FBXL14: variants seen among roughly 807,000 people sequenced by gnomAD.
FBXL14 encodes F-box/LRR-repeat protein 14.
FBXL14 carries 11 observed loss-of-function variants against 24.5 expected under a neutral mutation model. That is an observed-to-expected ratio of 0.45 (90% CI 0.28 to 0.74). The LOEUF (loss-of-function observed/expected upper bound fraction) is 0.74. Among genes scored for constraint, FBXL14 ranks in the 30% least tolerant of loss-of-function variants. The pLI is 0.12. For missense variants in FBXL14, 384 were observed against 545.6 expected (o/e 0.70, Z 2.95); for synonymous variants, 294 against 240.4 (o/e 1.22, Z -2.06).
Position 1,583,332 on chromosome 12 carries a change from T to G in FBXL14, c.1194+9541A>C, listed in dbSNP as rs187606893. Among the ~76,000 whole-genome samples, 62 of 151,252 alleles carry G rather than the reference T, an allele frequency of 4.1e-4. 1 individual carries two copies. In the East Asian group the frequency reaches 0.011, roughly 27 times the overall value. ...CCCAAACTCCCCAGATATGGCAATC[T>G]AAGAAGGATTTGTATGAAGTGCCCT... On this transcript the variant is annotated intron_variant, in intron 1 of 1. Transcript: ENST00000339235.
chr12:1,585,466 G>A (rs989492094), intron 1 of FBXL14, among the ~76,000 whole-genome samples: 1 of 152,046 alleles, frequency 6.6e-6, no homozygotes, highest in African/African-American at 2.4e-5. Context: ...ATTTCCTAAG[G>A]AGAAATATTA....
intron 1 of FBXL14, among the ~76,000 whole-genome samples, chr12:1,588,235 G>A (rs2094480945): frequency 6.6e-6 from 1 of 152,046 alleles, no homozygotes; most frequent in Non-Finnish European, 1.5e-5. Flanking sequence ...TTGAAAACTT[G>A]AATTCGAATT....
chr12:1,586,018 A>G (rs1261809744), intron 1 of FBXL14, among the ~76,000 whole-genome samples: 1 of 152,250 alleles, frequency 6.6e-6, no homozygotes, highest in Non-Finnish European at 1.5e-5. Flanking sequence ...TCTGAGAGCA[A>G]CAGGCAACAG....
intron 1 of FBXL14, 89 bp downstream of exon 1, chr12:1,592,783 TA>T: frequency 8.9e-7 from 1 of 1,119,078 alleles, no homozygotes; most frequent in Non-Finnish European, 1.3e-6. Context: ...GATCTGTGCG[TA>T]AGTGTGCGTG....
intron 1 of FBXL14, among the ~76,000 whole-genome samples, chr12:1,589,474 CAGGA>C (rs1342716362): frequency 4.1e-5 from 2 of 48,834 alleles, no homozygotes; most frequent in African/African-American, 1.0e-4. Context: ...GGCAGGAAGA[CAGGA>C]AGGAAGGGAG....
Position 1,579,236 on chromosome 12 carries a change from T to A in FBXL14, c.1195-12426A>T, listed in dbSNP as rs909541264. On this transcript the variant is annotated intron_variant, in intron 1 of 1. Coordinates refer to ENST00000339235, the MANE Select transcript of FBXL14 (RefSeq NM_152441.3). The surrounding 1 kb of genome is among the most constrained non-coding windows in gnomAD (Gnocchi z 4.3). The stretch of plus-strand genomic sequence containing the variant: ...TATCCAGTTCTCAGTTGTTTAGGGA[T>A]CTTCTGAGGGCAAACCAAAAATGTC... 1.3e-5 allele frequency among the ~76,000 whole-genome samples: 2 copies of A among 152,084 alleles called. No homozygotes were observed.
At chr12:1,571,900 T>A (rs544701135) in intron 1 of FBXL14, among the ~76,000 whole-genome samples, 2 of 152,374 alleles carry the variant, frequency 1.3e-5, no homozygotes, top group Admixed American at 6.5e-5. Flanking sequence ...AGCACTTTCC[T>A]GGGTGCAGGG....
At chr12:1,586,395 T>G (rs1013561147) in intron 1 of FBXL14, among the ~76,000 whole-genome samples, 11 of 152,016 alleles carry the variant, frequency 7.2e-5, no homozygotes, top group African/African-American at 1.2e-4. Context: ...TTTTAAGAGA[T>G]GGGGTTTTGC....
chr12:1,574,674 A>G, intron 1 of FBXL14: 1 of 180,158 alleles, frequency 5.6e-6, no homozygotes, highest in East Asian at 1.8e-4. Context: ...CCAGATCCTC[A>G]GTGTTCAAGA....
intron 1 of FBXL14, among the ~76,000 whole-genome samples, chr12:1,586,058 T>C (rs1367354904): frequency 2.6e-5 from 4 of 152,368 alleles, no homozygotes; most frequent in South Asian, 2.1e-4. Context: ...CAGTACCTTA[T>C]AGACCATTTA....
In FBXL14 at chr12:1,566,710, T is replaced by TAA. The variant is rs772134583; in HGVS notation, c.*36_*37dup. ...GCGCAGAGCGGGCAAGTCTGGAAGTTAAAGATCCACGGGAACCATGTCGTT... is the reference window on the plus strand; with the variant it reads ...GCGCAGAGCGGGCAAGTCTGGAAGTTAAAAAGATCCACGGGAACCATGTCGTT... On this transcript the variant is annotated 3_prime_UTR_variant, in exon 2 of 2. Coordinates refer to ENST00000339235, the MANE Select transcript of FBXL14 (RefSeq NM_152441.3). 7.7e-6 allele frequency: 6 copies of TAA among 780,446 alleles called. No individual in the cohort carries two copies. The highest frequency in any genetic ancestry group is 1.7e-5 in the African/African-American group (1 of 59,130). The allele number at this position is 780,446 out of a possible 1,614,324, so 48.3% of individuals were successfully genotyped here. A position where few individuals can be genotyped will look rare whatever the true frequency, so the allele number is the denominator to read the frequency against.
At chr12:1,588,776 T>C (rs536191135) in intron 1 of FBXL14, among the ~76,000 whole-genome samples, 2 of 152,284 alleles carry the variant, frequency 1.3e-5, no homozygotes, top group East Asian at 3.9e-4. Context: ...GAACCAAGTT[T>C]TTTTCTGTTA....
chr12:1,572,479 G>C (rs1320557964), intron 1 of FBXL14, among the ~76,000 whole-genome samples: 1 of 152,204 alleles, frequency 6.6e-6, no homozygotes. Flanking sequence ...CAAGTAAGAT[G>C]CACCAGGCAC....
At chr12:1,585,467 A>C (rs2094474778) in intron 1 of FBXL14, among the ~76,000 whole-genome samples, 1 of 152,180 alleles carries the variant, frequency 6.6e-6, no homozygotes, top group African/African-American at 2.4e-5. Context: ...TTTCCTAAGG[A>C]GAAATATTAT....
intron 1 of FBXL14, among the ~76,000 whole-genome samples, chr12:1,576,769 G>A (rs567350725): frequency 2.0e-5 from 3 of 152,270 alleles, no homozygotes; most frequent in East Asian, 1.9e-4. Flanking sequence ...GTGCTCTGTC[G>A]CCCCAGCCCT....
At chr12:1,581,793 G>GT (rs2094466868) in intron 1 of FBXL14, among the ~76,000 whole-genome samples, 1 of 152,124 alleles carries the variant, frequency 6.6e-6, no homozygotes, top group East Asian at 1.9e-4. Context: ...TTCAAAGGTT[G>GT]TTTCTGTGGT....
rs904218889 is a variant in FBXL14 at position 1,594,328 on chromosome 12, C to A, written c.-262G>T. ...CCCGGGCTCCGCACGGCGCTCACAT[C>A]CCGGGCGGGGAAGGCGCCTCGCTCT... On this transcript the variant is annotated 5_prime_UTR_variant, in exon 1 of 2. Coordinates refer to ENST00000339235, the MANE Select transcript of FBXL14 (RefSeq NM_152441.3). 3.4e-5 allele frequency among the ~76,000 whole-genome samples: 5 copies of A among 146,884 alleles called. No homozygotes were observed. The highest frequency in any genetic ancestry group is 1.2e-4 in the African/African-American group (5 of 40,862).
chr12:1,571,869 T>C (rs988680685), intron 1 of FBXL14, among the ~76,000 whole-genome samples: 1 of 152,222 alleles, frequency 6.6e-6, no homozygotes, highest in Non-Finnish European at 1.5e-5. Flanking sequence ...CAAATATTGA[T>C]TGAACACCTA....
intron 1 of FBXL14, among the ~76,000 whole-genome samples, chr12:1,592,102 C>T (rs1481604739): frequency 6.6e-6 from 1 of 151,354 alleles, no homozygotes; most frequent in East Asian, 1.9e-4. Flanking sequence ...TAGGCACAAA[C>T]ATGTTTCAGT....
Sources: gnomAD v4.1 joint callset for allele counts (sites outside exome capture counted in the v4.1 genomes callset) on GRCh38, gnomAD v4.1.1 for gene constraint, Gnocchi (gnomAD v3.1) non-coding constraint, MANE v1.5 for transcripts, NCBI Gene and HGNC (gene_info 2026-07-23, HGNC 2026-07-21) for gene names.